The following SPAG16 variants were observed in gnomAD, a reference collection of about 807,000 sequenced individuals.
SPAG16 encodes sperm associated antigen 16.
In SPAG16, 86 loss-of-function variants were observed where a neutral mutation model predicts 80.4. The ratio of observed to expected loss-of-function variants is 1.07; its 90% CI spans 0.90 to 1.28. The LOEUF (loss-of-function observed/expected upper bound fraction) is 1.28. Among genes scored for constraint, SPAG16 ranks in the 50% most tolerant of loss-of-function variants. The pLI is 0.00. For missense variants in SPAG16, 870 were observed against 765.3 expected (o/e 1.14, Z -1.61); for synonymous variants, 294 against 265.9 (o/e 1.11, Z -1.03).
chr2:213,354,665 G>C (rs1250646360), intron 7 of SPAG16, among the ~76,000 whole-genome samples: 1 of 152,108 alleles, frequency 6.6e-6, no homozygotes, highest in South Asian at 2.1e-4. Context: ...TCACGTTTCT[G>C]TTGGCTGCAT....
chr2:214,062,572 A>C (rs947785922), intron 13 of SPAG16, among the ~76,000 whole-genome samples: 2 of 151,836 alleles, frequency 1.3e-5, no homozygotes. Flanking sequence ...AAAAACCTTG[A>C]AGTTATTATT....
chr2:213,654,502 C>T (rs1385230065), intron 10 of SPAG16, among the ~76,000 whole-genome samples: 2 of 142,256 alleles, frequency 1.4e-5, no homozygotes. Flanking sequence ...CGAGACCAAC[C>T]TGGCTAACAC....
chr2:213,465,334 C>G lies in SPAG16; in HGVS notation c.943-24629C>G, dbSNP rs377437380. 2.6e-5 allele frequency among the ~76,000 whole-genome samples: 4 copies of G among 152,194 alleles called. No homozygotes were observed. The East Asian group carries it at 5.8e-4, about 22-fold the overall frequency. On this transcript the variant is annotated intron_variant, in intron 9 of 15. Transcript: ENST00000331683. Reference sequence around the variant, plus strand: ...ACTTGCACCCGAGAAAACAGGTGCACTCACAATAGTGTCATTCAGGATGAC... The same window carrying G: ...ACTTGCACCCGAGAAAACAGGTGCAGTCACAATAGTGTCATTCAGGATGAC...
At chr2:213,423,546 G>T (rs1339240043) in intron 9 of SPAG16, among the ~76,000 whole-genome samples, 2 of 152,092 alleles carry the variant, frequency 1.3e-5, no homozygotes, top group Non-Finnish European at 2.9e-5. Flanking sequence ...GTAAAAGGGG[G>T]ATAAAAATTA....
At chr2:213,727,233 G>A (rs2066808528) in intron 10 of SPAG16, among the ~76,000 whole-genome samples, 1 of 151,974 alleles carries the variant, frequency 6.6e-6, no homozygotes, top group Admixed American at 6.6e-5. Flanking sequence ...ATTTGTGCTG[G>A]GCATTACAAA....
chr2:214,140,369 A>G (rs1318176551), intron 14 of SPAG16, among the ~76,000 whole-genome samples: 1 of 151,652 alleles, frequency 6.6e-6, no homozygotes, highest in Non-Finnish European at 1.5e-5. Context: ...CTTCTTTGTC[A>G]TTTCTTGAAA....
At chr2:213,909,461 A>G (rs1171850758) in intron 11 of SPAG16, among the ~76,000 whole-genome samples, 1 of 152,144 alleles carries the variant, frequency 6.6e-6, no homozygotes, top group Non-Finnish European at 1.5e-5. Context: ...GCATCACGCT[A>G]CCTGACTTCA....
chr2:213,849,072 A>G (rs527453830), intron 10 of SPAG16, among the ~76,000 whole-genome samples: 10 of 152,256 alleles, frequency 6.6e-5, no homozygotes, highest in Middle Eastern at 6.8e-3. Flanking sequence ...TTTTCTCACA[A>G]TTCTGGATGG....
chr2:214,286,204 GA>G (rs1192278146), intron 15 of SPAG16, among the ~76,000 whole-genome samples: 1 of 152,100 alleles, frequency 6.6e-6, no homozygotes, highest in Non-Finnish European at 1.5e-5. Flanking sequence ...TTGGTCTGGG[GA>G]TACAAAGTTT....
intron 10 of SPAG16, among the ~76,000 whole-genome samples, chr2:213,793,120 G>T (rs1287276323): frequency 4.6e-5 from 7 of 151,794 alleles, no homozygotes; most frequent in Admixed American, 6.6e-5. Flanking sequence ...TACAGACGGG[G>T]TTTCACCATG....
At chr2:213,360,695 A>G (rs2065931212) in intron 7 of SPAG16, among the ~76,000 whole-genome samples, 1 of 152,336 alleles carries the variant, frequency 6.6e-6, no homozygotes, top group South Asian at 2.1e-4. Context: ...AATTGAACAT[A>G]TTAGTAGTGT....
intron 15 of SPAG16, among the ~76,000 whole-genome samples, chr2:214,205,764 G>A (rs2058126819): frequency 6.6e-6 from 1 of 152,120 alleles, no homozygotes; most frequent in African/African-American, 2.4e-5. Flanking sequence ...GAATACATGT[G>A]ATATTTTGAT....
At chr2:213,361,160 A>G (rs948284559) in intron 7 of SPAG16, among the ~76,000 whole-genome samples, 13 of 152,246 alleles carry the variant, frequency 8.5e-5, no homozygotes, top group African/African-American at 2.9e-4. Flanking sequence ...TAGACAGTGA[A>G]TCAACATTTA....
chr2:213,736,253 G>A (rs1009824098), intron 10 of SPAG16, among the ~76,000 whole-genome samples: 1 of 152,050 alleles, frequency 6.6e-6, no homozygotes, highest in Non-Finnish European at 1.5e-5. Flanking sequence ...AGATAATGAT[G>A]ATGACATCAA....
intron 15 of SPAG16, chr2:214,280,770 A>G: frequency 2.2e-6 from 1 of 447,188 alleles, no homozygotes; most frequent in Non-Finnish European, 4.3e-6. Flanking sequence ...CTTCTCATAG[A>G]CTAGATTCTC....
intron 10 of SPAG16, among the ~76,000 whole-genome samples, chr2:213,773,981 G>GT (rs1294824608): frequency 6.6e-6 from 1 of 152,064 alleles, no homozygotes; most frequent in African/African-American, 2.4e-5. Context: ...CTTTTAGCTT[G>GT]TTTTTATAGC....
At chr2:213,439,601 CT>C (rs1384834367) in intron 9 of SPAG16, among the ~76,000 whole-genome samples, 1 of 152,058 alleles carries the variant, frequency 6.6e-6, no homozygotes, top group Non-Finnish European at 1.5e-5. Flanking sequence ...CTTCTTCCTG[CT>C]TATGGTAAAA....
At chr2:214,340,137 A>G (rs1697572060) in intron 15 of SPAG16, among the ~76,000 whole-genome samples, 1 of 152,260 alleles carries the variant, frequency 6.6e-6, no homozygotes, top group East Asian at 1.9e-4. Context: ...GCAAGAGAGT[A>G]AGAGACATGT....
chr2:214,018,005 T>A (rs1223882283), intron 13 of SPAG16, among the ~76,000 whole-genome samples: 1 of 152,148 alleles, frequency 6.6e-6, no homozygotes, highest in Non-Finnish European at 1.5e-5. Flanking sequence ...ATGGGTTTAT[T>A]TTCTAAAAAT....
Sources: gnomAD v4.1 joint callset for allele counts (sites outside exome capture counted in the v4.1 genomes callset) on GRCh38, gnomAD v4.1.1 for gene constraint, MANE v1.5 for transcripts, NCBI Gene and HGNC (gene_info 2026-07-23, HGNC 2026-07-21) for gene names.